The following RCL1 variants were observed in gnomAD, a reference collection of about 807,000 sequenced individuals.
RCL1 encodes the protein RNA 3'-terminal phosphate cyclase-like protein.
Under a neutral mutation model 42.4 loss-of-function variants are expected in RCL1, and 24 were observed. The observed-to-expected ratio is 0.57, with a 90% CI of 0.41 to 0.80. The LOEUF is 0.80. Among genes scored for constraint, RCL1 ranks in the 30% least tolerant of loss-of-function variants. The pLI, the probability that RCL1 is intolerant of heterozygous loss-of-function variation, is 0.00. For synonymous variants in RCL1, 228 were observed against 177.3 expected (o/e 1.29, Z -2.27); for missense variants, 578 against 467.9 (o/e 1.24, Z -2.17).
chr9:4,815,958 A>G (rs1025426570), intron 1 of RCL1, among the ~76,000 whole-genome samples: 4 of 150,688 alleles, frequency 2.7e-5, no homozygotes, highest in African/African-American at 9.8e-5. Context: ...GAAGCTTGGC[A>G]TTTCCTTCTG....
chr9:4,817,144 G>C (rs934446217), intron 1 of RCL1, among the ~76,000 whole-genome samples: 1 of 8,232 alleles, frequency 1.2e-4, no homozygotes, highest in Non-Finnish European at 3.9e-3. Flanking sequence ...TTGAATGTTG[G>C]GGAAAAAAAA....
chr9:4,839,819 A>G lies in RCL1; in HGVS notation c.585-1413A>G, dbSNP rs1301311913. ...CTTATAGAGTGTGTGGTCTCATTGA[A>G]GAGCAAGAACAAAATGTGCATATGT... On this transcript the variant is annotated intron_variant, in intron 5 of 8. Transcript: ENST00000381750. 3.1e-6 allele frequency: 3 copies of G among 982,808 alleles called. No homozygotes were observed. The African/African-American group carries it at 5.2e-5, about 17-fold the overall frequency. 60.9% of individuals were successfully genotyped at this position (982,808 alleles called of 1,614,324 possible).
Position 4,821,802 on chromosome 9 carries a change from C to A in RCL1, c.137-1746C>A, listed in dbSNP as rs980054159. On this transcript the variant is annotated intron_variant, in intron 1 of 8. Coordinates refer to ENST00000381750, the MANE Select transcript of RCL1 (RefSeq NM_005772.5). ...TGGCTGGACTCATTTTTATAGCAGCCCACTCTTGTGATATAATAATAAATC... is the reference window on the plus strand; with the variant it reads ...TGGCTGGACTCATTTTTATAGCAGCACACTCTTGTGATATAATAATAAATC... 2.0e-5 allele frequency among the ~76,000 whole-genome samples: 3 copies of A among 152,146 alleles called. No homozygotes were observed. The South Asian group carries it at 6.2e-4, about 32-fold the overall frequency.
At chr9:4,810,872 G>A (rs957523250) in intron 1 of RCL1, among the ~76,000 whole-genome samples, 1 of 152,144 alleles carries the variant, frequency 6.6e-6, no homozygotes, top group Non-Finnish European at 1.5e-5. Context: ...TGTGACTAAT[G>A]AGACTGAGCA....
chr9:4,814,635 G>A (rs296844), intron 1 of RCL1, among the ~76,000 whole-genome samples: 59,315 of 151,954 alleles, frequency 0.39, 12,302 homozygotes, highest in South Asian at 0.49. Flanking sequence ...CTTATTGTTT[G>A]TCATTGCAGT....
At chr9:4,795,276 G>T (rs974373615) in intron 1 of RCL1, among the ~76,000 whole-genome samples, 1 of 152,038 alleles carries the variant, frequency 6.6e-6, no homozygotes, top group Non-Finnish European at 1.5e-5. Context: ...TAGAGATGGG[G>T]TTTCACCATG....
At chr9:4,813,945 A>G (rs1402535850) in intron 1 of RCL1, among the ~76,000 whole-genome samples, 2 of 152,170 alleles carry the variant, frequency 1.3e-5, no homozygotes, top group Admixed American at 6.5e-5. Context: ...AGGACAGAAA[A>G]CCAAACACTG....
chr9:4,853,051 C>T (rs988448251), intron 8 of RCL1, among the ~76,000 whole-genome samples: 1 of 152,078 alleles, frequency 6.6e-6, no homozygotes, highest in Non-Finnish European at 1.5e-5. Context: ...CTTATTGATC[C>T]TAAGAATTCT....
chr9:4,812,215 T>A (rs1816205634), intron 1 of RCL1, among the ~76,000 whole-genome samples: 1 of 152,168 alleles, frequency 6.6e-6, no homozygotes, highest in African/African-American at 2.4e-5. Flanking sequence ...TAGTTTTTCT[T>A]TTGTTGCCTA....
intron 7 of RCL1, among the ~76,000 whole-genome samples, chr9:4,846,474 GA>G (rs1168145518): frequency 6.6e-6 from 1 of 152,166 alleles, no homozygotes; most frequent in Non-Finnish European, 1.5e-5. Context: ...ATAATTTTGT[GA>G]AAAATGGGTA....
At chr9:4,848,223 C>G (rs1342084238) in intron 7 of RCL1, among the ~76,000 whole-genome samples, 1 of 152,192 alleles carries the variant, frequency 6.6e-6, no homozygotes, top group African/African-American at 2.4e-5. Context: ...GGAAAAGGAA[C>G]TCTCCTTGTC....
At chr9:4,857,998 A>G (rs1320932542) in intron 8 of RCL1, among the ~76,000 whole-genome samples, 1 of 128,226 alleles carries the variant, frequency 7.8e-6, no homozygotes, top group African/African-American at 3.0e-5. Flanking sequence ...TGGTGCAATC[A>G]TAGCTCGAGT....
intron 5 of RCL1, chr9:4,839,901 G>A (rs1014034485): frequency 1.0e-6 from 1 of 985,514 alleles, no homozygotes; most frequent in African/African-American, 1.7e-5. Flanking sequence ...CGGCTGGAGG[G>A]TTTCAGGAGA....
At chr9:4,796,408 T>C (rs1480070931) in intron 1 of RCL1, among the ~76,000 whole-genome samples, 1 of 152,204 alleles carries the variant, frequency 6.6e-6, no homozygotes, top group East Asian at 1.9e-4. Context: ...GGACATTATT[T>C]CATTCTTTTT....
At chr9:4,822,384 T>C (rs1816623707) in intron 1 of RCL1, among the ~76,000 whole-genome samples, 1 of 151,960 alleles carries the variant, frequency 6.6e-6, no homozygotes, top group African/African-American at 2.4e-5. Context: ...AACTAAGGGG[T>C]GTGTTTGTGT....
At chr9:4,816,866 G>C (rs998801909) in intron 1 of RCL1, among the ~76,000 whole-genome samples, 6 of 152,198 alleles carry the variant, frequency 3.9e-5, no homozygotes, top group African/African-American at 1.2e-4. Context: ...GTCCAGGCCG[G>C]AGTGCAGTGG....
intron 3 of RCL1, among the ~76,000 whole-genome samples, chr9:4,828,242 C>T (rs991017195): frequency 2.0e-5 from 3 of 149,430 alleles, no homozygotes; most frequent in Non-Finnish European, 4.4e-5. Flanking sequence ...TTTACCATTA[C>T]AGGCCAAGAC....
intron 1 of RCL1, among the ~76,000 whole-genome samples, chr9:4,793,880 A>T (rs1176380764): frequency 6.6e-6 from 1 of 152,218 alleles, no homozygotes; most frequent in Non-Finnish European, 1.5e-5. Context: ...GACTTTAGAA[A>T]AGGGGTCGGT....
intron 3 of RCL1, among the ~76,000 whole-genome samples, chr9:4,829,652 G>C (rs1421797172): frequency 1.3e-5 from 2 of 152,168 alleles, no homozygotes; most frequent in Non-Finnish European, 2.9e-5. Flanking sequence ...TGGTGGGTTT[G>C]GCTGAATTCA....
Sources: gnomAD v4.1 joint callset for allele counts (sites outside exome capture counted in the v4.1 genomes callset) on GRCh38, gnomAD v4.1.1 for gene constraint, MANE v1.5 for transcripts, NCBI Gene and HGNC (gene_info 2026-07-23, HGNC 2026-07-21) for gene names.